Variants in EXT2 observed in about 807,000 individuals in gnomAD.
The protein encoded by EXT2 is exostosin glycosyltransferase 2, also known as exostosin-2.
EXT2 carries 53 observed loss-of-function variants against 81.6 expected under a neutral mutation model. The observed-to-expected ratio is 0.65, with a 90% confidence interval of 0.52 to 0.82. The LOEUF (loss-of-function observed/expected upper bound fraction) is 0.82, where lower values mean the gene tolerates loss of function less well. EXT2 is among the 40% of genes least tolerant of loss of function. The pLI is 0.00. For missense variants in EXT2, 774 were observed against 910.2 expected, an observed-to-expected ratio of 0.85 and a Z score of 1.93; for synonymous variants, 320 against 340.0, an observed-to-expected ratio of 0.94 and a Z score of 0.65.
chr11:44,128,239 A>ACAAACC (rs1471197554), intron 6 of EXT2, among the ~76,000 whole-genome samples: 8 of 152,222 alleles, frequency 5.3e-5, no homozygotes, highest in African/African-American at 1.9e-4. Context: ...GTGAGAGAAG[A>ACAAACC]CAAACCGATG....
chr11:44,213,035 T>C (rs1955671476), intron 10 of EXT2, among the ~76,000 whole-genome samples: 1 of 152,154 alleles, frequency 6.6e-6, no homozygotes, highest in African/African-American at 2.4e-5. Context: ...ATAGTTTTTA[T>C]TGTAAGTAAA....
At chr11:44,107,467 C>T (rs1954070678) in intron 1 of EXT2, among the ~76,000 whole-genome samples, 1 of 151,888 alleles carries the variant, frequency 6.6e-6, no homozygotes, top group Admixed American at 6.6e-5. Flanking sequence ...GTGGTGGTCA[C>T]AGTTACTTGG....
At position 44,206,917 on chromosome 11, in the gene EXT2, T is replaced by C; in HGVS notation, c.1620T>C (p.Asp540=). 1.2e-6 allele frequency: 2 copies of C among 1,614,122 alleles called. No individual in the cohort carries two copies. Among genetic ancestry groups the C allele is most frequent in the Non-Finnish European group, 1.7e-6 (2 of 1,179,990 alleles). ...ETEAVLAIDD[D]IIMLTSDELQ... is the part of the protein sequence containing the mutation. ...AAGCTGTTCTGGCCATTGATGATGATATCATTATGCTGACCTCTGACGAGC... is the reference window on the plus strand; with the variant it reads ...AAGCTGTTCTGGCCATTGATGATGACATCATTATGCTGACCTCTGACGAGC... Residue 540 remains aspartate (D), a synonymous_variant, in exon 10 of 14, where the codon GAT becomes GAC. Transcript: ENST00000533608.
intron 8 of EXT2, among the ~76,000 whole-genome samples, chr11:44,181,154 G>C (rs1432607717): frequency 6.6e-6 from 1 of 152,144 alleles, no homozygotes; most frequent in East Asian, 1.9e-4. Context: ...AATTGGGCTA[G>C]TGTAGAATTC....
At chr11:44,154,620 G>A (rs1025271107) in intron 7 of EXT2, among the ~76,000 whole-genome samples, 3 of 152,018 alleles carry the variant, frequency 2.0e-5, no homozygotes, top group East Asian at 1.9e-4. Flanking sequence ...ATACCTCTTC[G>A]ATATACTGAT....
chr11:44,244,069 C>G, intron 13 of EXT2, 80 bp from the exon 14 acceptor site: 2 of 1,295,650 alleles, frequency 1.5e-6, no homozygotes, highest in South Asian at 2.4e-5. Flanking sequence ...ACCTCTTGAA[C>G]ATACTATCTT....
At chr11:44,180,994 G>A (rs564349138) in intron 8 of EXT2, among the ~76,000 whole-genome samples, 19 of 152,044 alleles carry the variant, frequency 1.2e-4, no homozygotes, top group African/African-American at 4.3e-4. Flanking sequence ...CCAGCTACTC[G>A]GGAGGCTGAG....
chr11:44,202,905 C>G (rs1432489202), intron 9 of EXT2, among the ~76,000 whole-genome samples: 3 of 152,184 alleles, frequency 2.0e-5, no homozygotes, highest in Non-Finnish European at 2.9e-5. Flanking sequence ...TGATGTTTTG[C>G]TGCCTCATGG....
intron 13 of EXT2, among the ~76,000 whole-genome samples, chr11:44,242,730 G>A (rs529368440): frequency 1.3e-5 from 2 of 152,300 alleles, no homozygotes; most frequent in African/African-American, 4.8e-5. Context: ...CTCAGCAGTT[G>A]TTAATTTCCA....
In EXT2 at chr11:44,154,891, A is replaced by G. The variant is rs61879080; in HGVS notation, c.1174-16720A>G. Among the ~76,000 whole-genome samples the G allele has an allele frequency of 9.9e-3, 1,509 of 152,202 alleles. 8 individuals carry two copies. Among genetic ancestry groups the G allele is most frequent in the Middle Eastern group, 0.034 (10 of 294 alleles). On this transcript the variant is annotated intron_variant, in intron 7 of 13. Coordinates refer to ENST00000533608, the MANE Select transcript of EXT2 (RefSeq NM_207122.2). Reference sequence around the variant, plus strand: ...TTGATTTGCATTTCTCTAATGATCAATGATGTTGAGCACCTTTTCAGGTCT... The same window carrying G: ...TTGATTTGCATTTCTCTAATGATCAGTGATGTTGAGCACCTTTTCAGGTCT...
At chr11:44,190,029 C>G (rs1446518860) in intron 8 of EXT2, among the ~76,000 whole-genome samples, 1 of 152,182 alleles carries the variant, frequency 6.6e-6, no homozygotes, top group African/African-American at 2.4e-5. Flanking sequence ...AATATCATCT[C>G]ACCATTTTGG....
chr11:44,165,448 G>A lies in EXT2; in HGVS notation c.1174-6163G>A, dbSNP rs552352485. On this transcript the variant is annotated intron_variant, in intron 7 of 13. Coordinates refer to ENST00000533608, the MANE Select transcript of EXT2 (RefSeq NM_207122.2). ...GAAGTTCACTTATCCCCAGGCTGAG[G>A]CACTTGAGCTATGATTATTGGCAAA... Among the ~76,000 whole-genome samples, 60 of 152,332 alleles carry A rather than the reference G, an allele frequency of 3.9e-4. 2 individuals are homozygous for A. Among genetic ancestry groups the A allele is most frequent in the African/African-American group, 1.4e-3 (58 of 41,582 alleles).
intron 8 of EXT2, among the ~76,000 whole-genome samples, chr11:44,196,246 T>C (rs772893164): frequency 5.9e-5 from 9 of 152,214 alleles, no homozygotes; most frequent in Admixed American, 1.3e-4. Context: ...GTGAACATTT[T>C]CTCTTTATTC....
At chr11:44,212,137 T>G (rs1026788056) in intron 10 of EXT2, among the ~76,000 whole-genome samples, 1 of 151,516 alleles carries the variant, frequency 6.6e-6, no homozygotes, top group African/African-American at 2.4e-5. Context: ...TACAAAAAAT[T>G]AGCCGGGTAT....
At position 44,108,153 on chromosome 11, in the gene EXT2, C is replaced by G. The variant is rs1302600485; in HGVS notation, c.441C>G (p.Ile147Met). The G allele has an allele frequency of 6.2e-7, 1 of 1,614,138 alleles. No homozygotes were observed. The highest frequency in any genetic ancestry group is 8.5e-7 in the Non-Finnish European group (1 of 1,180,034). The change falls in exon 2 of 14, where the codon ATC (isoleucine) becomes ATG (methionine). Residue 147 changes from isoleucine to methionine, a missense_variant. Around this residue, in one of 2 missense-constraint regions of EXT2, gnomAD observed 626 missense variants for 670.5 expected, o/e 0.93. Transcript: ENST00000533608. ...ACAGTGACTACTACACTGATGACATCAACCGGGCCTGTCTGTTTGTTCCCT... is the reference window on the plus strand; with the variant it reads ...ACAGTGACTACTACACTGATGACATGAACCGGGCCTGTCTGTTTGTTCCCT... ...ISDSDYYTDDINRACLFVPSI... is the reference protein window; with the variant it reads ...ISDSDYYTDDMNRACLFVPSI...
At chr11:44,138,677 G>A (rs1218660864) in intron 7 of EXT2, among the ~76,000 whole-genome samples, 4 of 152,230 alleles carry the variant, frequency 2.6e-5, no homozygotes, top group Admixed American at 2.6e-4. Flanking sequence ...TTCTTACTGT[G>A]GGTCCCAGTC....
Position 44,167,919 on chromosome 11 carries a change from T to A in EXT2, c.1174-3692T>A, listed in dbSNP as rs1040514589. On this transcript the variant is annotated intron_variant, in intron 7 of 13. Transcript: ENST00000533608. ...ATGCTGGTGCGCTGCACCCACTAACTCGTCCTCTAGCATTAGGTATATCTC... is the reference window on the plus strand; with the variant it reads ...ATGCTGGTGCGCTGCACCCACTAACACGTCCTCTAGCATTAGGTATATCTC... Among the ~76,000 whole-genome samples, 37 of 151,992 alleles carry A rather than the reference T, an allele frequency of 2.4e-4. 2 individuals carry two copies. The highest frequency in any genetic ancestry group is 1.8e-3 in the Admixed American group (27 of 15,252).
Position 44,246,611 on chromosome 11 carries a change from A to G in EXT2, c.*2324A>G, listed in dbSNP as rs1956095759. Among the ~76,000 whole-genome samples, 1 of 152,242 alleles carries G rather than the reference A, an allele frequency of 6.6e-6. No homozygotes were observed. Among genetic ancestry groups the G allele is most frequent in the Non-Finnish European group, 1.5e-5 (1 of 68,044 alleles). Reference sequence around the variant, plus strand: ...CAATTTATGTTAAAGAAGGAGCATTATATCCTAGGCACTTGAAACAACCTC... The same window carrying G: ...CAATTTATGTTAAAGAAGGAGCATTGTATCCTAGGCACTTGAAACAACCTC... On this transcript the variant is annotated 3_prime_UTR_variant, in exon 14 of 14. Transcript: ENST00000533608.
intron 13 of EXT2, among the ~76,000 whole-genome samples, chr11:44,237,915 A>C (rs1380178171): frequency 8.3e-5 from 12 of 143,994 alleles, no homozygotes; most frequent in South Asian, 4.7e-4. Context: ...AAAAAAAAAA[A>C]AAAAAAAAAA....
Sources: allele counts gnomAD v4.1 joint callset (sites outside exome capture counted in the v4.1 genomes callset), GRCh38; gene constraint gnomAD v4.1.1; regional missense constraint gnomAD v4.1.1; transcripts MANE v1.5; gene names NCBI Gene and HGNC (gene_info 2026-07-23, HGNC 2026-07-21).